GPRIN1: variants seen among roughly 807,000 people sequenced by gnomAD.
The protein encoded by GPRIN1 is G protein regulated inducer of neurite outgrowth 1.
In GPRIN1, 4 loss-of-function variants were observed where a neutral mutation model predicts 2.8. The ratio of observed to expected loss-of-function variants is 1.45; its 90% CI spans 0.71 to 3.32. The LOEUF is 3.32. Ranked by LOEUF, GPRIN1 falls within the 30% of genes most tolerant of loss-of-function variation. The probability of loss-of-function intolerance (pLI) is 0.01; values close to 1 mark genes in which losing one functional copy is unlikely to be tolerated. For synonymous variants in GPRIN1, 589 were observed against 589.9 expected (o/e 1.00, Z 0.02); for missense variants, 1,322 against 1,343.4 (o/e 0.98, Z 0.25).
Position 176,597,404 on chromosome 5 carries a change from CCTCGCGCGGCGGCGGCGGGGCG to C in GPRIN1, c.2409_2430del (p.Ser803ArgfsTer17). ...TGCGCGCCCGCCTGAGTGCCCGCGT[CCTCGCGCGGCGGCGGCGGGGCG>C]CTCGCCTCCCACGACGGCGCCTTGG... is the stretch of plus-strand genomic sequence containing the variant. On this transcript the variant is annotated frameshift_variant, in exon 2 of 2. Transcript: ENST00000303991. LOFTEE classifies it low-confidence loss of function (END_TRUNC). The surrounding 1 kb of genome is among the most constrained non-coding windows in gnomAD (Gnocchi z 6.1). The C allele has an allele frequency of 7.7e-7, 1 of 1,292,224 alleles. No homozygotes were observed. The highest frequency in any genetic ancestry group is 9.8e-7 in the Non-Finnish European group (1 of 1,024,728). The allele number at this position is 1,292,224 out of a possible 1,614,324, so 80.0% of individuals were successfully genotyped here. A position where few individuals can be genotyped will look rare whatever the true frequency, so the allele number is the denominator to read the frequency against.
Position 176,602,309 on chromosome 5 carries a change from C to T in GPRIN1, c.-43-2432G>A, listed in dbSNP as rs759880806. On this transcript the variant is annotated intron_variant, in intron 1 of 1. Transcript: ENST00000303991. This position sits in a 1 kb window ranked among gnomAD's most constrained non-coding sequence, Gnocchi z 4.4. ...GCATTCTCCACCCTCTTATTCTAAT[C>T]AGTTTTCCTCCATAGTACCTGTCAC... 2.0e-5 allele frequency among the ~76,000 whole-genome samples: 3 copies of T among 152,228 alleles called. No individual in the cohort carries two copies. Among genetic ancestry groups the T allele is most frequent in the Non-Finnish European group, 4.4e-5 (3 of 68,046 alleles).
Position 176,597,495 on chromosome 5 carries a change from C to T in GPRIN1, c.2340G>A (p.Glu780=), listed in dbSNP as rs1442296743. Residue 780 remains glutamate, a synonymous_variant, in exon 2 of 2, where the codon GAG becomes GAA. Coordinates refer to ENST00000303991, the MANE Select transcript of GPRIN1 (RefSeq NM_052899.3). This position sits in a 1 kb window ranked among gnomAD's most constrained non-coding sequence, Gnocchi z 6.1. ...GCGGCCCCGGCGGGGGCGCTGCGGC[C>T]TCTGGGCAGGGGCTTCTCTCGGCCC... The part of the protein sequence containing the change: ...AAGAERSPCP[E]AAAPPPGPRT... 1.5e-6 allele frequency: 2 copies of T among 1,375,502 alleles called. No homozygotes were observed. Among genetic ancestry groups the T allele is most frequent in the Admixed American group, 3.3e-5 (1 of 30,300 alleles). The allele number at this position is 1,375,502 out of a possible 1,614,324, so 85.2% of individuals were successfully genotyped here.
At position 176,597,724 on chromosome 5, in the gene GPRIN1, G is replaced by T; in HGVS notation, c.2111C>A (p.Ser704Tyr). 6.3e-7 allele frequency: 1 copy of T among 1,599,366 alleles called. No individual in the cohort carries two copies. The highest frequency in any genetic ancestry group is 8.5e-7 in the Non-Finnish European group (1 of 1,172,776). Residue 704 changes from serine to tyrosine, a missense_variant, in exon 2 of 2, where the codon TCC becomes TAC. Ser to Tyr is a moderately radical substitution (Grantham distance 144). Around this residue, in one of 3 missense-constraint regions of GPRIN1, gnomAD observed 1,117 missense variants for 1,128.6 expected, o/e 0.99. Coordinates refer to ENST00000303991, the MANE Select transcript of GPRIN1 (RefSeq NM_052899.3). The surrounding 1 kb of genome is among the most constrained non-coding windows in gnomAD (Gnocchi z 6.1). ...GGGGACCACCTTCCCCAAGGATGGG[G>T]ACTCCGTTTTTCTGGAAGGTGCAGA... ...ADSAPSRKTE[S>Y]PSLGKVVPLS...
At chr5:176,608,444 C>G (rs1759258000) in intron 1 of GPRIN1, among the ~76,000 whole-genome samples, 1 of 152,204 alleles carries the variant, frequency 6.6e-6, no homozygotes, top group African/African-American at 2.4e-5. Flanking sequence ...GCAGAAATGT[C>G]TGCTAGGTAT....
intron 1 of GPRIN1, among the ~76,000 whole-genome samples, chr5:176,605,252 C>T (rs1358245615): frequency 6.6e-6 from 1 of 151,980 alleles, no homozygotes; most frequent in Non-Finnish European, 1.5e-5. Context: ...CATCACCATG[C>T]CCAGCTAATT....
Position 176,599,552 on chromosome 5 carries a change from A to C in GPRIN1, c.283T>G (p.Ser95Ala), listed in dbSNP as rs1291682158. Reference protein sequence around the residue: ...DGPRGSLACPSPTCFSPQESP... With the variant: ...DGPRGSLACPAPTCFSPQESP... The stretch of plus-strand genomic sequence containing the variant: ...TCCTGGGGAGAGAAGCAGGTTGGGG[A>C]GGGGCAGGCCAGGCTCCCTCTGGGG... The change falls in exon 2 of 2, where the codon TCC (serine) becomes GCC (alanine). Residue 95 changes from serine to alanine, a missense_variant. Physicochemically the swap from Ser to Ala is moderately conservative, Grantham distance 99. This residue lies in a region of GPRIN1 where 1,117 missense variants were observed against 1,128.6 expected (regional missense o/e 0.99). Transcript: ENST00000303991. 6.3e-7 allele frequency: 1 copy of C among 1,590,328 alleles called. No homozygotes were observed. The highest frequency in any genetic ancestry group is 1.4e-5 in the African/African-American group (1 of 74,014).
At chr5:176,605,110 T>G (rs1169842864) in intron 1 of GPRIN1, among the ~76,000 whole-genome samples, 1 of 150,828 alleles carries the variant, frequency 6.6e-6, no homozygotes, top group Admixed American at 6.6e-5. Context: ...TTTTTTTTTT[T>G]TGAGACAGAG....
intron 1 of GPRIN1, among the ~76,000 whole-genome samples, chr5:176,607,903 CTTTTTTTTTTTTTTTTTTTT>C (rs35368228): frequency 0.27 from 18,135 of 67,496 alleles, 1,903 homozygotes; most frequent in South Asian, 0.39. Flanking sequence ...ACACTTGGCT[CTTTTTTTTTTTTTTTTTTTT>C]TTTTTTTTTT....
rs1759160325 is a variant in GPRIN1 at position 176,602,354 on chromosome 5, A to G, written c.-43-2477T>C. Among the ~76,000 whole-genome samples the G allele has an allele frequency of 1.3e-5, 2 of 152,206 alleles. No homozygotes were observed. Among genetic ancestry groups the G allele is most frequent in the African/African-American group, 4.8e-5 (2 of 41,454 alleles). On this transcript the variant is annotated intron_variant, in intron 1 of 1. Transcript: ENST00000303991. The surrounding 1 kb of genome is among the most constrained non-coding windows in gnomAD (Gnocchi z 4.4). The stretch of plus-strand genomic sequence containing the variant: ...TGTCACCATCTGACATATCACATAT[A>G]TTCGCTTATTGCTTGTGGTGTGTTG...
chr5:176,598,461 C>G lies in GPRIN1; in HGVS notation c.1374G>C (p.Pro458=). The G allele has an allele frequency of 6.2e-7, 1 of 1,614,012 alleles. No homozygotes were observed. The highest frequency in any genetic ancestry group is 8.5e-7 in the Non-Finnish European group (1 of 1,179,978). ...TGGGGTCCTCCCTTCTGGAGGACAC[C>G]GGGTCCTCTTTTCCTGGGGATACAG... ...AGTVSPGKED[P]VSSRREDPIS... The change falls in exon 2 of 2, where the codon CCG becomes CCC. Residue 458 remains proline (P), a synonymous_variant. Transcript: ENST00000303991.
In GPRIN1 at chr5:176,598,955, A is replaced by C; in HGVS notation, c.880T>G (p.Ser294Ala). The change falls in exon 2 of 2, where the codon TCG becomes GCG. Residue 294 changes from serine to alanine, a missense_variant. Physicochemically the swap from Ser to Ala is moderately conservative, Grantham distance 99. This residue lies in a region of GPRIN1 where 1,117 missense variants were observed against 1,128.6 expected (regional missense o/e 0.99). Coordinates refer to ENST00000303991, the MANE Select transcript of GPRIN1 (RefSeq NM_052899.3). ...AAGGGCATGGGATCTGCCTTTCCCGAGGGCCCAGGATCTCTCTTTCCCGAC... is the reference window on the plus strand; with the variant it reads ...AAGGGCATGGGATCTGCCTTTCCCGCGGGCCCAGGATCTCTCTTTCCCGAC... ...VLSGKRDPGP[S>A]GKADPMPLES... 1.2e-6 allele frequency: 2 copies of C among 1,614,024 alleles called. No homozygotes were observed. Among genetic ancestry groups the C allele is most frequent in the Non-Finnish European group, 1.7e-6 (2 of 1,179,936 alleles).
Position 176,598,400 on chromosome 5 carries a change from C to G in GPRIN1, c.1435G>C (p.Val479Leu), listed in dbSNP as rs1379003452. Residue 479 changes from valine to leucine, a missense_variant, in exon 2 of 2, where the codon GTG (valine) becomes CTG (leucine). Physicochemically the swap from Val to Leu is conservative, Grantham distance 32 (BLOSUM62 1). Coordinates refer to ENST00000303991, the MANE Select transcript of GPRIN1 (RefSeq NM_052899.3). ...AGSRKTSSEK[V>L]NPESSGKTNP... is the part of the protein sequence containing the mutation. ...GTCTTTCCTGAAGACTCAGGATTCA[C>G]TTTTTCAGATGATGTCTTTCTACTT... 20 of 1,614,026 alleles carry G rather than the reference C, an allele frequency of 1.2e-5. No individual in the cohort carries two copies. The highest frequency in any genetic ancestry group is 1.7e-5 in the Non-Finnish European group (20 of 1,179,990).
chr5:176,597,095 T>C lies in GPRIN1; in HGVS notation c.2740A>G (p.Ser914Gly). The C allele has an allele frequency of 6.7e-7, 1 of 1,492,370 alleles. No homozygotes were observed. 92.4% of individuals were successfully genotyped at this position (1,492,370 alleles called of 1,614,324 possible). ...CACGTCATGCCCTTCTCGTCCCAGC[T>C]CACGTCTCGCACGGGCTCAGCCGGC... ...PEPAEPVRDV[S>G]WDEKGMTWEV... The change falls in exon 2 of 2, where the codon AGC becomes GGC. Residue 914 changes from serine (S) to glycine (G), a missense_variant. Transcript: ENST00000303991. This position sits in a 1 kb window ranked among gnomAD's most constrained non-coding sequence, Gnocchi z 6.1.
chr5:176,599,976 TC>T, intron 1 of GPRIN1, 99 bp from the exon 2 acceptor site: 1 of 720,176 alleles, frequency 1.4e-6, no homozygotes, highest in Non-Finnish European at 2.0e-6. Flanking sequence ...TCCCATCTGG[TC>T]CCCACCTGTC....
rs1256957040 is a variant in GPRIN1, at chr5:176,610,115, G to C, written c.-160C>G. 6.7e-6 allele frequency: 1 copy of C among 149,610 alleles called. No homozygotes were observed. Among genetic ancestry groups the C allele is most frequent in the Non-Finnish European group, 1.5e-5 (1 of 66,900 alleles). The allele number at this position is 149,610 out of a possible 1,614,324, so 9.3% of individuals were successfully genotyped here. On this transcript the variant is annotated 5_prime_UTR_variant, in exon 1 of 2. Coordinates refer to ENST00000303991, the MANE Select transcript of GPRIN1 (RefSeq NM_052899.3). Reference sequence around the variant, plus strand: ...GGCCGGGCTGGCGGGAGGACCCGCAGACTCGGCGCCGCCGTCCCCAGCGCC... The same window carrying C: ...GGCCGGGCTGGCGGGAGGACCCGCACACTCGGCGCCGCCGTCCCCAGCGCC...
intron 1 of GPRIN1, among the ~76,000 whole-genome samples, chr5:176,606,650 C>T (rs1759224499): frequency 6.6e-6 from 1 of 152,198 alleles, no homozygotes; most frequent in Non-Finnish European, 1.5e-5. Context: ...TGACTGTCTG[C>T]TGCCATCAAT....
At chr5:176,604,782 G>A (rs1759200477) in intron 1 of GPRIN1, among the ~76,000 whole-genome samples, 1 of 152,156 alleles carries the variant, frequency 6.6e-6, no homozygotes, top group African/African-American at 2.4e-5. Flanking sequence ...TGTCCAGGCT[G>A]GAGTGCAATG....
At chr5:176,600,009 A>G (rs1759123346) in intron 1 of GPRIN1, 132 bp from the exon 2 acceptor site, 1 of 488,046 alleles carries the variant, frequency 2.0e-6, no homozygotes, top group East Asian at 3.5e-5. Context: ...GACTAAAAAC[A>G]CAAACCCAAG....
chr5:176,608,095 T>A (rs991738204), intron 1 of GPRIN1, among the ~76,000 whole-genome samples: 1 of 151,910 alleles, frequency 6.6e-6, no homozygotes, highest in Non-Finnish European at 1.5e-5. Context: ...AATCTTTAAA[T>A]TTTTGTAGAG....
Sources: gnomAD v4.1 joint callset for allele counts (sites outside exome capture counted in the v4.1 genomes callset) on GRCh38, gnomAD v4.1.1 for gene constraint, gnomAD v4.1.1 regional missense constraint, Gnocchi (gnomAD v3.1) non-coding constraint, MANE v1.5 for transcripts, NCBI Gene and HGNC (gene_info 2026-07-23, HGNC 2026-07-21) for gene names.